ARHGEF12: variants seen among roughly 807,000 people sequenced by gnomAD.
The protein encoded by ARHGEF12 is KMT2A/ARHGEF12 fusion protein.
A neutral mutation model predicts 211.2 loss-of-function variants in ARHGEF12; 66 were observed. That is an observed-to-expected ratio of 0.31 (90% CI 0.26 to 0.38). The LOEUF is 0.38. ARHGEF12 is among the 10% of genes least tolerant of loss of function. ARHGEF12 has a pLI of 1.00. For synonymous variants in ARHGEF12, 592 were observed against 638.4 expected (o/e 0.93, Z 1.09); for missense variants, 1,429 against 1,869.5 (o/e 0.76, Z 4.34).
intron 4 of ARHGEF12, among the ~76,000 whole-genome samples, chr11:120,412,831 A>G (rs975551411): frequency 6.6e-6 from 1 of 152,044 alleles, no homozygotes; most frequent in Admixed American, 6.6e-5. Flanking sequence ...CCTTAAAGTT[A>G]TATTTGACTT....
intron 6 of ARHGEF12, among the ~76,000 whole-genome samples, chr11:120,423,524 GC>G (rs1477830837): frequency 6.6e-6 from 1 of 152,012 alleles, no homozygotes; most frequent in African/African-American, 2.4e-5. Context: ...TCCATTTGCA[GC>G]TTTTGAAAAG....
intron 1 of ARHGEF12, among the ~76,000 whole-genome samples, chr11:120,354,942 G>A (rs140505683): frequency 2.6e-5 from 4 of 152,290 alleles, no homozygotes; most frequent in Admixed American, 6.5e-5. Flanking sequence ...CATGCTTGCA[G>A]CCTCCCCGTG....
intron 1 of ARHGEF12, among the ~76,000 whole-genome samples, chr11:120,347,132 T>TTTCCTTCCTTCCTTCCTTCC (rs71050738): frequency 1.3e-4 from 15 of 115,684 alleles, no homozygotes; most frequent in South Asian, 3.1e-4. Context: ...TCTTTCTTTC[T>TTTCCTTCCTTCCTTCCTTCC]TTCCTTCCTT....
intron 1 of ARHGEF12, among the ~76,000 whole-genome samples, chr11:120,400,218 T>A (rs1480661778): frequency 6.6e-6 from 1 of 152,152 alleles, no homozygotes; most frequent in African/African-American, 2.4e-5. Flanking sequence ...TTTCTACTCT[T>A]ATTTTTATTA....
At position 120,407,553 on chromosome 11, in the gene ARHGEF12, T is replaced by G. The variant is rs544544267; in HGVS notation, c.57-185T>G. On this transcript the variant is annotated intron_variant, in intron 2 of 40. Coordinates refer to ENST00000397843, the MANE Select transcript of ARHGEF12 (RefSeq NM_015313.3). Reference sequence around the variant, plus strand: ...TTTTAATTATTTTAAGCAGTTTTTATAATCAAGTAAATAGACTGTGTATAA... The same window carrying G: ...TTTTAATTATTTTAAGCAGTTTTTAGAATCAAGTAAATAGACTGTGTATAA... Among the ~76,000 whole-genome samples the G allele has an allele frequency of 1.1e-4, 16 of 152,332 alleles. 1 individual carries two copies. In the South Asian group the frequency reaches 3.3e-3, roughly 32 times the overall value.
At chr11:120,478,714 T>C (rs1947138846) in intron 37 of ARHGEF12, among the ~76,000 whole-genome samples, 1 of 152,100 alleles carries the variant, frequency 6.6e-6, no homozygotes, top group African/African-American at 2.4e-5. Context: ...TGACTAAAGG[T>C]ATGAAAAAAG....
rs907525980 is a variant in ARHGEF12, at chr11:120,488,362, C to T, written c.*3285C>T. 16 of 214,648 alleles carry T rather than the reference C, an allele frequency of 7.5e-5. No individual in the cohort carries two copies. Among genetic ancestry groups the T allele is most frequent in the African/African-American group, 3.4e-4 (15 of 44,288 alleles). The allele number at this position is 214,648 out of a possible 1,614,324, so 13.3% of individuals were successfully genotyped here. ...ACCACTGAGAACTGCGTGCATAGGA[C>T]CTCAAAATACAAAATTAGCAGGGCC... On this transcript the variant is annotated 3_prime_UTR_variant, in exon 41 of 41. Coordinates refer to ENST00000397843, the MANE Select transcript of ARHGEF12 (RefSeq NM_015313.3).
intron 29 of ARHGEF12, 112 bp from the exon 30 acceptor site, chr11:120,469,176 A>G (rs987189263): frequency 3.8e-6 from 3 of 798,984 alleles, no homozygotes; most frequent in African/African-American, 3.5e-5. Flanking sequence ...AAAAATCTTC[A>G]AGGTCTTAAT....
chr11:120,337,406 G>A, intron 1 of ARHGEF12, 131 bp downstream of exon 1: 5 of 1,520,318 alleles, frequency 3.3e-6, no homozygotes, highest in Non-Finnish European at 4.4e-6. Flanking sequence ...TCGGAGCTGT[G>A]CAGTTAGCCT....
intron 1 of ARHGEF12, among the ~76,000 whole-genome samples, chr11:120,343,913 A>C (rs937823477): frequency 1.3e-5 from 2 of 152,202 alleles, no homozygotes; most frequent in Non-Finnish European, 2.9e-5. Context: ...TATACTCAAA[A>C]GATCAAAGAG....
intron 11 of ARHGEF12, among the ~76,000 whole-genome samples, chr11:120,434,156 A>T (rs1368412181): frequency 6.6e-6 from 1 of 152,168 alleles, no homozygotes; most frequent in Non-Finnish European, 1.5e-5. Flanking sequence ...AAAGAGGGAG[A>T]TCTGTAAGAA....
intron 10 of ARHGEF12, among the ~76,000 whole-genome samples, chr11:120,430,539 C>A (rs1382205872): frequency 1.3e-5 from 2 of 152,040 alleles, no homozygotes; most frequent in African/African-American, 2.4e-5. Context: ...TATATGTTAA[C>A]CAGACTTACA....
At chr11:120,444,137 G>T (rs1331225917) in intron 15 of ARHGEF12, among the ~76,000 whole-genome samples, 1 of 152,068 alleles carries the variant, frequency 6.6e-6, no homozygotes, top group Non-Finnish European at 1.5e-5. Context: ...ACATAGCGGG[G>T]TCACTTAAGT....
intron 1 of ARHGEF12, among the ~76,000 whole-genome samples, chr11:120,368,317 T>G (rs1943488020): frequency 6.6e-6 from 1 of 152,186 alleles, no homozygotes; most frequent in African/African-American, 2.4e-5. Flanking sequence ...ATTTTTTAAT[T>G]CGTTTATAGA....
At chr11:120,477,901 A>G (rs1947104742) in intron 36 of ARHGEF12, among the ~76,000 whole-genome samples, 1 of 151,770 alleles carries the variant, frequency 6.6e-6, no homozygotes, top group Non-Finnish European at 1.5e-5. Context: ...AGAAAATAAA[A>G]TAAAATGCAA....
chr11:120,468,598 G>A (rs1023270385), intron 29 of ARHGEF12, among the ~76,000 whole-genome samples: 5 of 152,062 alleles, frequency 3.3e-5, no homozygotes, highest in Non-Finnish European at 7.4e-5. Flanking sequence ...ACAGGCGCAC[G>A]CCACCACACC....
At chr11:120,480,830 T>C (rs571966681) in intron 38 of ARHGEF12, among the ~76,000 whole-genome samples, 1 of 152,144 alleles carries the variant, frequency 6.6e-6, no homozygotes, top group African/African-American at 2.4e-5. Flanking sequence ...GAGACCTCAA[T>C]GAAATGAGGG....
intron 1 of ARHGEF12, among the ~76,000 whole-genome samples, chr11:120,402,807 AT>A (rs1944581108): frequency 6.6e-6 from 1 of 151,962 alleles, no homozygotes; most frequent in African/African-American, 2.4e-5. Context: ...GAAAAAAACA[AT>A]TTCTAGCAGG....
intron 11 of ARHGEF12, among the ~76,000 whole-genome samples, chr11:120,434,717 TCA>T (rs1945643813): frequency 6.6e-6 from 1 of 152,212 alleles, no homozygotes; most frequent in African/African-American, 2.4e-5. Flanking sequence ...TACCCAGTTC[TCA>T]CAAGAGAAGC....
Sources: gnomAD v4.1 joint callset for allele counts (sites outside exome capture counted in the v4.1 genomes callset) on GRCh38, gnomAD v4.1.1 for gene constraint, MANE v1.5 for transcripts, NCBI Gene and HGNC (gene_info 2026-07-23, HGNC 2026-07-21) for gene names.